Variants in HERC3 observed in about 807,000 individuals in gnomAD.
HERC3 encodes the protein probable E3 ubiquitin-protein ligase HERC3.
A neutral mutation model predicts 129.9 loss-of-function variants in HERC3; 58 were observed. That is an observed-to-expected ratio of 0.45 (90% confidence interval 0.36 to 0.56). The LOEUF (loss-of-function observed/expected upper bound fraction) is 0.56. HERC3 is among the 20% of genes least tolerant of loss of function. HERC3 has a pLI of 0.00. For synonymous variants in HERC3, 430 were observed against 451.0 expected, an observed-to-expected ratio of 0.95 and a Z score of 0.59; for missense variants, 835 against 1,244.2, an observed-to-expected ratio of 0.67 and a Z score of 4.95.
chr4:88,549,352 G>A, the HERC3 span, among the ~76,000 whole-genome samples: 2 of 151,372 alleles, frequency 1.3e-5, no homozygotes, highest in Non-Finnish European at 2.9e-5. Context: ...GATTCACGGA[G>A]TATATATACA....
chr4:88,552,051 G>A, the HERC3 span, among the ~76,000 whole-genome samples: 16 of 149,296 alleles, frequency 1.1e-4, no homozygotes, highest in Admixed American at 2.7e-4. Context: ...ACCAAATACC[G>A]CATGTTCTCA....
chr4:88,529,562 T>A, the HERC3 span, among the ~76,000 whole-genome samples: 2 of 152,136 alleles, frequency 1.3e-5, no homozygotes, highest in African/African-American at 4.8e-5. Flanking sequence ...AAGACCAGCC[T>A]GGCCAAGATG....
At chr4:88,622,359 C>A (rs1373661991) in intron 3 of HERC3, among the ~76,000 whole-genome samples, 2 of 152,196 alleles carry the variant, frequency 1.3e-5, no homozygotes, top group Non-Finnish European at 2.9e-5. Flanking sequence ...TATGGATATA[C>A]CACATTTTGT....
At chr4:88,620,055 T>G (rs1271064600) in intron 3 of HERC3, among the ~76,000 whole-genome samples, 2 of 152,224 alleles carry the variant, frequency 1.3e-5, no homozygotes, top group Non-Finnish European at 2.9e-5. Flanking sequence ...AACAGTTCCA[T>G]TTTTAGGAAG....
At chr4:88,678,225 G>T in intron 19 of HERC3, 91 bp downstream of exon 19, 1 of 1,137,016 alleles carries the variant, frequency 8.8e-7, no homozygotes. Flanking sequence ...TAAAATTGTG[G>T]GGTGCAGCCA....
Position 88,686,647 on chromosome 4 carries a change from GA to G in HERC3, c.2508-86del, listed in dbSNP as rs1733502066. On this transcript the variant is annotated intron_variant, in intron 21 of 25. Coordinates refer to ENST00000402738, the MANE Select transcript of HERC3 (RefSeq NM_014606.3). ...AATCTTCTTTCATAGTTTTTCCTTGGAAATGGTCTGGACATGTAACTGAAGT... is the reference window on the plus strand; with the variant it reads ...AATCTTCTTTCATAGTTTTTCCTTGGAATGGTCTGGACATGTAACTGAAGT... 4.1e-5 allele frequency: 33 copies of G among 803,440 alleles called. No homozygotes were observed. The South Asian group carries it at 4.7e-4, about 11-fold the overall frequency. 49.8% of individuals were successfully genotyped at this position (803,440 alleles called of 1,614,324 possible).
Position 88,702,931 on chromosome 4 carries a change from A to G in HERC3, c.2658-1167A>G, listed in dbSNP as rs1055302430. Among the ~76,000 whole-genome samples the G allele has an allele frequency of 5.5e-4, 84 of 152,208 alleles. 1 individual carries two copies. Among genetic ancestry groups the G allele is most frequent in the Non-Finnish European group, 5.6e-4 (38 of 68,038 alleles). ...AATAAACATGGAGCTGAGACCCACA[A>G]TCTGCAGCAACCTGCCCGGGAAACC... On this transcript the variant is annotated intron_variant, in intron 23 of 25. Transcript: ENST00000402738.
chr4:88,622,528 A>G (rs1381438842), intron 3 of HERC3, among the ~76,000 whole-genome samples: 1 of 152,190 alleles, frequency 6.6e-6, no homozygotes, highest in East Asian at 1.9e-4. Context: ...GTTATATGGT[A>G]ACTCTGCGTT....
chr4:88,692,973 A>G (rs2149333799), intron 23 of HERC3: 1 of 982,556 alleles, frequency 1.0e-6, no homozygotes. Flanking sequence ...AAAAAGCAAA[A>G]TTGTAATAGT....
At chr4:88,588,334 T>C (rs547483699), upstream of HERC3, among the ~76,000 whole-genome samples, 4 of 152,304 alleles carry the variant, frequency 2.6e-5, no homozygotes, top group African/African-American at 9.6e-5. Context: ...TATTCTAAGT[T>C]GTTTCATATT....
the HERC3 span, among the ~76,000 whole-genome samples, chr4:88,529,990 G>C: frequency 6.6e-6 from 1 of 151,992 alleles, no homozygotes; most frequent in Non-Finnish European, 1.5e-5. Flanking sequence ...GGGTATAAAG[G>C]CATATAAGAT....
At chr4:88,554,725 C>T in the HERC3 span, among the ~76,000 whole-genome samples, 1 of 152,144 alleles carries the variant, frequency 6.6e-6, no homozygotes. Context: ...TGGCATTTAA[C>T]TGGGAAACAG....
At chr4:88,702,665 C>G (rs192070081) in intron 23 of HERC3, among the ~76,000 whole-genome samples, 11 of 152,262 alleles carry the variant, frequency 7.2e-5, no homozygotes, top group African/African-American at 2.6e-4. Flanking sequence ...TCTCTAAATT[C>G]TCTATATTGC....
the HERC3 span, among the ~76,000 whole-genome samples, chr4:88,530,308 G>T: frequency 6.6e-6 from 1 of 151,644 alleles, no homozygotes; most frequent in Admixed American, 6.6e-5. Context: ...AAAAAAAAAA[G>T]CTATCCCTAT....
chr4:88,533,750 G>A, the HERC3 span, among the ~76,000 whole-genome samples: 2 of 152,092 alleles, frequency 1.3e-5, no homozygotes, highest in African/African-American at 4.8e-5. Flanking sequence ...TAAAGTTGTG[G>A]CTAACTTCAT....
intron 3 of HERC3, among the ~76,000 whole-genome samples, chr4:88,622,783 G>T (rs1324980926): frequency 6.6e-6 from 1 of 152,076 alleles, no homozygotes; most frequent in Non-Finnish European, 1.5e-5. Context: ...ACAAAAATTA[G>T]CTGGGTGTGG....
the HERC3 span, among the ~76,000 whole-genome samples, chr4:88,546,145 C>A: frequency 6.6e-6 from 1 of 152,162 alleles, no homozygotes; most frequent in Non-Finnish European, 1.5e-5. Flanking sequence ...ACTAGAGATA[C>A]TGTAAATTCA....
At position 88,636,094 on chromosome 4, in the gene HERC3, C is replaced by T. The variant is rs529338192; in HGVS notation, c.227-13746C>T. ...ATTATGAAGAAACGGCATCAATTAC[C>T]ATGCAAAATAACCAGCTAGCGTCAT... On this transcript the variant is annotated intron_variant, in intron 3 of 25. Transcript: ENST00000402738. 7.2e-5 allele frequency among the ~76,000 whole-genome samples: 11 copies of T among 152,184 alleles called. No individual in the cohort carries two copies. The South Asian group carries it at 2.3e-3, about 32-fold the overall frequency.
rs938208324 is a variant in HERC3 at position 88,613,649 on chromosome 4, G to A, written c.226+7600G>A. Among the ~76,000 whole-genome samples, 16 of 152,228 alleles carry A rather than the reference G, an allele frequency of 1.1e-4. 1 individual carries two copies. The highest frequency in any genetic ancestry group is 3.6e-4 in the African/African-American group (15 of 41,464). On this transcript the variant is annotated intron_variant, in intron 3 of 25. Coordinates refer to ENST00000402738, the MANE Select transcript of HERC3 (RefSeq NM_014606.3). ...GCTGAAAGGAAATAGAAGGGACCCT[G>A]TAATGACTTCCTGTTATTGAAGTGC...
Sources: gnomAD v4.1 joint callset for allele counts (sites outside exome capture counted in the v4.1 genomes callset) on GRCh38, gnomAD v4.1.1 for gene constraint, MANE v1.5 for transcripts, NCBI Gene and HGNC (gene_info 2026-07-23, HGNC 2026-07-21) for gene names.